DOCK6: variants seen among roughly 807,000 people sequenced by gnomAD.
DOCK6 encodes dedicator of cytokinesis protein 6.
DOCK6 carries 167 observed loss-of-function variants against 230.3 expected under a neutral mutation model. The observed-to-expected ratio is 0.73, with a 90% CI of 0.64 to 0.82. The LOEUF (loss-of-function observed/expected upper bound fraction) is 0.82. Among genes scored for constraint, DOCK6 ranks in the 40% least tolerant of loss-of-function variants. DOCK6 has a pLI of 0.00. For missense variants in DOCK6, 2,598 were observed against 2,825.8 expected (o/e 0.92, Z 1.83); for synonymous variants, 1,148 against 1,185.0 (o/e 0.97, Z 0.64).
intron 9 of DOCK6, among the ~76,000 whole-genome samples, chr19:11,244,691 T>A (rs200408779): frequency 6.6e-6 from 1 of 151,954 alleles, no homozygotes; most frequent in South Asian, 2.1e-4. Flanking sequence ...ACTCCCAACT[T>A]CAGGTGATCT....
At chr19:11,239,420 A>G (rs1410171933) in intron 14 of DOCK6, among the ~76,000 whole-genome samples, 9 of 152,130 alleles carry the variant, frequency 5.9e-5, no homozygotes, top group Admixed American at 4.6e-4. Flanking sequence ...GTCCTCTCCC[A>G]ATGCCCCCCA....
intron 23 of DOCK6, among the ~76,000 whole-genome samples, chr19:11,227,758 G>A (rs997370653): frequency 6.6e-6 from 1 of 152,012 alleles, no homozygotes; most frequent in Non-Finnish European, 1.5e-5. Flanking sequence ...AGAAAGCCGT[G>A]GGCAGATCCT....
intron 5 of DOCK6, 195 bp downstream of exon 5, chr19:11,251,924 A>G: frequency 5.3e-6 from 4 of 749,626 alleles, no homozygotes; most frequent in Non-Finnish European, 8.5e-6. Context: ...GAGGACACAT[A>G]TGAAGCCTTC....
intron 7 of DOCK6, among the ~76,000 whole-genome samples, chr19:11,246,318 C>A (rs1345843464): frequency 6.6e-6 from 1 of 152,166 alleles, no homozygotes. Context: ...GTTGCCCAGG[C>A]TGGTCTCAAA....
chr19:11,214,730 G>T, intron 32 of DOCK6, 81 bp from the exon 33 acceptor site: 3 of 1,311,560 alleles, frequency 2.3e-6, no homozygotes, highest in Non-Finnish European at 3.2e-6. Context: ...TCCCCTGGCA[G>T]CCCAGGGGGC....
intron 33 of DOCK6, 40 bp from the exon 34 acceptor site, chr19:11,214,449 A>C (rs1197593801): frequency 6.2e-7 from 1 of 1,613,460 alleles, no homozygotes; most frequent in South Asian, 1.1e-5. Context: ...GTTAGAGCCT[A>C]GGGTGGTTAT....
Position 11,238,308 on chromosome 19 carries a change from TG to T in DOCK6, c.1644-5del, listed in dbSNP as rs1357756494. On this transcript the variant is annotated splice_region_variant and splice_polypyrimidine_tract_variant and intron_variant, in intron 14 of 47. Transcript: ENST00000294618. ...CGGGTACACGTACAGCAGGTTCCTGTGGGGGGCAGGATGGGGGTGTCAGAGG... is the reference window on the plus strand; with the variant it reads ...CGGGTACACGTACAGCAGGTTCCTGTGGGGGCAGGATGGGGGTGTCAGAGG... The T allele has an allele frequency of 1.9e-6, 3 of 1,595,270 alleles. No homozygotes were observed. The highest frequency in any genetic ancestry group is 2.6e-6 in the Non-Finnish European group (3 of 1,170,952).
chr19:11,228,397 A>G (rs1159765560), intron 23 of DOCK6, among the ~76,000 whole-genome samples: 1 of 151,902 alleles, frequency 6.6e-6, no homozygotes, highest in Non-Finnish European at 1.5e-5. Flanking sequence ...TTCTCTCCTT[A>G]AAGAGTCTCA....
In DOCK6 at chr19:11,237,960, T is replaced by A. The variant is rs1438962440; in HGVS notation, c.1832+85A>T. The stretch of plus-strand genomic sequence containing the variant: ...CTTCTTCCTGTCCCCCATCTTCCCA[T>A]CGATGCTGCCTTATGTGTATATATA... On this transcript the variant is annotated intron_variant, in intron 16 of 47. Coordinates refer to ENST00000294618, the MANE Select transcript of DOCK6 (RefSeq NM_020812.4). The A allele has an allele frequency of 3.9e-5, 58 of 1,499,270 alleles. No homozygotes were observed. The East Asian group carries it at 1.3e-3, about 33-fold the overall frequency. 92.9% of individuals were successfully genotyped at this position (1,499,270 alleles called of 1,614,324 possible). A position where few individuals can be genotyped will look rare whatever the true frequency, so the allele number is the denominator to read the frequency against.
At chr19:11,220,847 CGG>C (rs1215221510) in intron 28 of DOCK6, among the ~76,000 whole-genome samples, 1 of 135,254 alleles carries the variant, frequency 7.4e-6, no homozygotes, top group East Asian at 2.1e-4. Context: ...TTTTTTGAGA[CGG>C]AGTCTCGCTC....
chr19:11,199,875 G>T (rs1035869828), intron 47 of DOCK6, among the ~76,000 whole-genome samples: 1 of 152,214 alleles, frequency 6.6e-6, no homozygotes, highest in African/African-American at 2.4e-5. Context: ...AGCCAGGCGT[G>T]GTGGTGGCTC....
At chr19:11,248,828 T>C (rs947893669) in intron 6 of DOCK6, among the ~76,000 whole-genome samples, 3 of 152,178 alleles carry the variant, frequency 2.0e-5, no homozygotes, top group African/African-American at 7.2e-5. Flanking sequence ...ATACAGTGGG[T>C]ACCCAAACAT....
Position 11,227,418 on chromosome 19 carries a change from C to G in DOCK6, c.2874G>C (p.Leu958=). Residue 958 remains leucine, a synonymous_variant, in exon 24 of 48, where the codon CTG becomes CTC. Transcript: ENST00000294618. ...LGQRLDTPRK[L]RFPGRFLDDI... ...CGTCCAGGAAGCGTCCGGGGAAGCG[C>G]AGCTTGCGGGGTGTGTCTAGTCGCT... The G allele has an allele frequency of 1.2e-6, 2 of 1,613,138 alleles. No individual in the cohort carries two copies. The highest frequency in any genetic ancestry group is 1.6e-4 in the Middle Eastern group (1 of 6,062).
intron 30 of DOCK6, 163 bp from the exon 31 acceptor site, chr19:11,216,090 A>AAT: frequency 2.1e-4 from 130 of 620,952 alleles, no homozygotes; most frequent in Middle Eastern, 5.7e-4. Flanking sequence ...CAAAAAAAAA[A>AAT]TTTTTTTTTT....
chr19:11,222,303 G>A lies in DOCK6; in HGVS notation c.3241-55C>T. ...CAGCGGTCAAGGGTCAGAGGTGGCA[G>A]GTCACCATTAAAGCCATCTTGGAGG... On this transcript the variant is annotated intron_variant, in intron 26 of 47. Coordinates refer to ENST00000294618, the MANE Select transcript of DOCK6 (RefSeq NM_020812.4). This position sits in a 1 kb window ranked among gnomAD's most constrained non-coding sequence, Gnocchi z 4.0. The A allele has an allele frequency of 1.3e-6, 2 of 1,552,676 alleles. No individual in the cohort carries two copies. Among genetic ancestry groups the A allele is most frequent in the African/African-American group, 1.4e-5 (1 of 73,586 alleles).
chr19:11,245,898 AG>A lies in DOCK6; in HGVS notation c.807-21del. On this transcript the variant is annotated intron_variant, in intron 7 of 47. Transcript: ENST00000294618. The stretch of plus-strand genomic sequence containing the variant: ...TCGAACCTACAAGTAAATGGGAGGG[AG>A]GGGGCTCTCCTTAACACTTCCCGCT... 3.2e-6 allele frequency: 5 copies of A among 1,554,308 alleles called. No individual in the cohort carries two copies. Among genetic ancestry groups the A allele is most frequent in the South Asian group, 1.2e-5 (1 of 84,190 alleles).
chr19:11,256,797 C>T (rs2080204457), intron 1 of DOCK6, among the ~76,000 whole-genome samples: 1 of 152,118 alleles, frequency 6.6e-6, no homozygotes, highest in African/African-American at 2.4e-5. Flanking sequence ...CCTGTCTCAG[C>T]CTCCTAAGTA....
intron 28 of DOCK6, among the ~76,000 whole-genome samples, chr19:11,220,058 A>G (rs1423897836): frequency 6.6e-6 from 1 of 151,758 alleles, no homozygotes; most frequent in Non-Finnish European, 1.5e-5. Context: ...GGTTCAAGCG[A>G]TACTCCTGCC....
At chr19:11,210,339 T>C (rs2079356885) in intron 37 of DOCK6, among the ~76,000 whole-genome samples, 2 of 149,348 alleles carry the variant, frequency 1.3e-5, no homozygotes, top group Non-Finnish European at 3.0e-5. Flanking sequence ...TCCCTTCACC[T>C]GTCTCCTTAT....
Sources: gnomAD v4.1 joint callset for allele counts (sites outside exome capture counted in the v4.1 genomes callset) on GRCh38, gnomAD v4.1.1 for gene constraint, Gnocchi (gnomAD v3.1) non-coding constraint, MANE v1.5 for transcripts, NCBI Gene and HGNC (gene_info 2026-07-23, HGNC 2026-07-21) for gene names.